Variants in CCDC138 observed in about 807,000 individuals in gnomAD.
The protein encoded by CCDC138 is coiled-coil domain containing 138, also known as coiled-coil domain-containing protein 138.
CCDC138 carries 66 observed loss-of-function variants against 82.3 expected under a neutral mutation model. The ratio of observed to expected loss-of-function variants is 0.80; its 90% CI spans 0.66 to 0.98. The LOEUF is 0.98. Ranked by LOEUF, CCDC138 falls within the 50% of genes least tolerant of loss-of-function variation. The pLI, the probability that CCDC138 is intolerant of heterozygous loss-of-function variation, is 0.00. For synonymous variants in CCDC138, 297 were observed against 265.4 expected, an observed-to-expected ratio of 1.12 and a Z score of -1.16; for missense variants, 816 against 758.9, an observed-to-expected ratio of 1.08 and a Z score of -0.88.
At position 108,853,592 on chromosome 2, in the gene CCDC138, G is replaced by C. The variant is rs531034018; in HGVS notation, c.1517-3202G>C. Among the ~76,000 whole-genome samples, 4 of 149,990 alleles carry C rather than the reference G, an allele frequency of 2.7e-5. No individual in the cohort carries two copies. The East Asian group carries it at 7.8e-4, about 29-fold the overall frequency. ...CTCAGGCTGGAATGCAGTGGTGCAA[G>C]CATAACTTACCACAACCTTGAACTC... On this transcript the variant is annotated intron_variant, in intron 12 of 14. Coordinates refer to ENST00000295124, the MANE Select transcript of CCDC138 (RefSeq NM_144978.3).
chr2:108,834,976 C>T (rs1464338506), intron 10 of CCDC138, among the ~76,000 whole-genome samples: 1 of 152,344 alleles, frequency 6.6e-6, no homozygotes, highest in East Asian at 1.9e-4. Context: ...GTTGGCAGCT[C>T]TTCAATTGAA....
chr2:108,876,618 T>G (rs1696042515), downstream of CCDC138: 1 of 154,966 alleles, frequency 6.5e-6, no homozygotes, highest in Non-Finnish European at 1.4e-5. Flanking sequence ...TCCTAATATA[T>G]TAGAATCCTT....
At chr2:108,846,183 A>G (rs912311506) in intron 11 of CCDC138, among the ~76,000 whole-genome samples, 1 of 152,176 alleles carries the variant, frequency 6.6e-6, no homozygotes, top group African/African-American at 2.4e-5. Context: ...GAGAGTAGGT[A>G]GTCCACCTCT....
intron 10 of CCDC138, among the ~76,000 whole-genome samples, chr2:108,825,938 A>G (rs1278356647): frequency 6.6e-6 from 1 of 152,154 alleles, no homozygotes; most frequent in Non-Finnish European, 1.5e-5. Flanking sequence ...CGGATTTAAA[A>G]TTTTTGTCAT....
At chr2:108,828,019 A>G (rs1210966064) in intron 10 of CCDC138, among the ~76,000 whole-genome samples, 1 of 152,070 alleles carries the variant, frequency 6.6e-6, no homozygotes, top group East Asian at 1.9e-4. Context: ...ACAGATCCAA[A>G]CTTGTAAATA....
chr2:108,790,976 G>A (rs545439699), intron 3 of CCDC138, among the ~76,000 whole-genome samples: 1 of 151,954 alleles, frequency 6.6e-6, no homozygotes, highest in Non-Finnish European at 1.5e-5. Context: ...TGTCCAGGCT[G>A]ATCTTGAACT....
intron 13 of CCDC138, among the ~76,000 whole-genome samples, chr2:108,857,531 TACCA>T (rs1692826066): frequency 6.6e-6 from 1 of 152,222 alleles, no homozygotes; most frequent in Non-Finnish European, 1.5e-5. Flanking sequence ...AGGCTTGTTC[TACCA>T]AAGCACTGTA....
chr2:108,873,733 C>A (rs1695622223), intron 14 of CCDC138, 144 bp downstream of exon 14: 3 of 556,842 alleles, frequency 5.4e-6, no homozygotes, highest in Admixed American at 3.3e-5. Flanking sequence ...TACGCTAACA[C>A]TAACGATAGC....
chr2:108,803,151 T>C (rs756590053), intron 6 of CCDC138, among the ~76,000 whole-genome samples: 1 of 152,218 alleles, frequency 6.6e-6, no homozygotes, highest in Non-Finnish European at 1.5e-5. Context: ...ATTAAAGTGT[T>C]AGCCAAGACT....
At chr2:108,839,372 A>G (rs1271596617) in intron 11 of CCDC138, 71 bp downstream of exon 11, 369 of 1,303,656 alleles carry the variant, frequency 2.8e-4, no homozygotes, top group Middle Eastern at 3.8e-4. Context: ...TTGTTTCACA[A>G]TATCTGTTTT....
chr2:108,856,993 T>C, intron 13 of CCDC138, 23 bp downstream of exon 13: 1 of 1,396,948 alleles, frequency 7.2e-7, no homozygotes, highest in African/African-American at 1.5e-5. Context: ...GTTCTATATG[T>C]GTAAAGAAAG....
At chr2:108,878,962 G>T (rs1696201860), downstream of CCDC138, among the ~76,000 whole-genome samples, 3 of 152,074 alleles carry the variant, frequency 2.0e-5, no homozygotes, top group Admixed American at 6.6e-5. Context: ...GCAAAAAATA[G>T]AATGACAGGA....
intron 13 of CCDC138, among the ~76,000 whole-genome samples, chr2:108,860,279 A>T (rs1019491774): frequency 2.1e-4 from 32 of 152,228 alleles, no homozygotes; most frequent in African/African-American, 7.7e-4. Context: ...ATAGAATCCT[A>T]TTGTCAGTGA....
intron 10 of CCDC138, among the ~76,000 whole-genome samples, chr2:108,837,924 AT>A (rs772581537): frequency 0.019 from 2,810 of 144,338 alleles, 77 homozygotes; most frequent in African/African-American, 0.061. Context: ...AATTTTTTCG[AT>A]TTTTTTTTTT....
intron 6 of CCDC138, among the ~76,000 whole-genome samples, chr2:108,804,336 T>A (rs1207592912): frequency 6.6e-6 from 1 of 152,186 alleles, no homozygotes; most frequent in East Asian, 1.9e-4. Flanking sequence ...TAGAACTGAT[T>A]AAGAAGAGTC....
In CCDC138 at chr2:108,849,894, C is replaced by T. The variant is rs568368707; in HGVS notation, c.1516+2964C>T. Among the ~76,000 whole-genome samples the T allele has an allele frequency of 2.6e-5, 4 of 152,310 alleles. No individual in the cohort carries two copies. The Middle Eastern group carries it at 0.01, about 391-fold the overall frequency. On this transcript the variant is annotated intron_variant, in intron 12 of 14. Transcript: ENST00000295124. ...TGAGTCTCAGGGAGAAGAGCACTTT[C>T]TGACTGCAGGTGTTCTCTCCAGTAG... is the stretch of plus-strand genomic sequence containing the variant.
rs1392272606 is a variant in CCDC138, at chr2:108,786,909, C to T, written c.87C>T (p.Pro29=). 5.2e-6 allele frequency: 8 copies of T among 1,534,910 alleles called. No homozygotes were observed. In the East Asian group the frequency reaches 1.1e-4, roughly 20 times the overall value. The stretch of plus-strand genomic sequence containing the variant: ...GCTACGGACTCGGGGGCAGCTGCCC[C>T]GACGAGGTGAAGCCGCCGCCTGAGG... ...KSRYGLGGSC[P]DEYDFSNFYQ... Residue 29 remains proline, a synonymous_variant, in exon 1 of 15, where the codon CCC becomes CCT. Transcript: ENST00000295124.
intron 7 of CCDC138, among the ~76,000 whole-genome samples, chr2:108,809,477 TGTG>T (rs1558651219): frequency 9.2e-5 from 14 of 151,810 alleles, no homozygotes; most frequent in African/African-American, 3.4e-4. Context: ...TGTGTGTGTG[TGTG>T]TGTGTGTGAT....
At chr2:108,820,237 G>A (rs1190307576) in intron 10 of CCDC138, among the ~76,000 whole-genome samples, 1 of 151,962 alleles carries the variant, frequency 6.6e-6, no homozygotes, top group Non-Finnish European at 1.5e-5. Flanking sequence ...GTGCGACCCC[G>A]TGCCTACAAA....
Sources: gnomAD v4.1 joint callset for allele counts (sites outside exome capture counted in the v4.1 genomes callset) on GRCh38, gnomAD v4.1.1 for gene constraint, MANE v1.5 for transcripts, NCBI Gene and HGNC (gene_info 2026-07-23, HGNC 2026-07-21) for gene names.